The following GFRA2 variants were observed in gnomAD, a reference collection of about 807,000 sequenced individuals.
The protein encoded by GFRA2 is GDNF family receptor alpha-2.
In GFRA2, 17 loss-of-function variants were observed where a neutral mutation model predicts 48.3. The ratio of observed to expected loss-of-function variants is 0.35; its 90% CI spans 0.24 to 0.53. The LOEUF (loss-of-function observed/expected upper bound fraction) is 0.53. GFRA2 is among the 20% of genes least tolerant of loss of function. GFRA2 has a pLI of 0.93. For missense variants in GFRA2, 660 were observed against 637.3 expected, an observed-to-expected ratio of 1.04 and a Z score of -0.38; for synonymous variants, 305 against 257.2, an observed-to-expected ratio of 1.19 and a Z score of -1.78.
At position 21,705,144 on chromosome 8, in the gene GFRA2, G is replaced by C. The variant is rs371378233; in HGVS notation, c.905-19C>G. On this transcript the variant is annotated intron_variant, in intron 5 of 8. Transcript: ENST00000524240. The stretch of plus-strand genomic sequence containing the variant: ...TCAAACCCTGGGCAGGAAGAAAGGT[G>C]GGGGAGAGGAGAGAGGTACGGTGGG... 5 of 1,602,160 alleles carry C rather than the reference G, an allele frequency of 3.1e-6. No individual in the cohort carries two copies. The highest frequency in any genetic ancestry group is 1.1e-5 in the South Asian group (1 of 88,608).
At chr8:21,733,170 G>C (rs1444463524) in intron 4 of GFRA2, among the ~76,000 whole-genome samples, 1 of 152,128 alleles carries the variant, frequency 6.6e-6, no homozygotes, top group Non-Finnish European at 1.5e-5. Context: ...TGTATATCAG[G>C]AGATGCCACC....
intron 3 of GFRA2, among the ~76,000 whole-genome samples, chr8:21,752,830 G>A (rs73669545): frequency 0.067 from 10,205 of 151,998 alleles, 445 homozygotes; most frequent in Non-Finnish European, 0.086. Flanking sequence ...AACTCTCGGC[G>A]CTTCTTTGAC....
intron 4 of GFRA2, among the ~76,000 whole-genome samples, chr8:21,723,723 G>C (rs1472705329): frequency 6.6e-6 from 1 of 152,180 alleles, no homozygotes; most frequent in African/African-American, 2.4e-5. Flanking sequence ...GCAAGAGGGA[G>C]GTCGCCAAGA....
At chr8:21,797,267 C>G (rs1015781203) in intron 2 of GFRA2, among the ~76,000 whole-genome samples, 1 of 99,864 alleles carries the variant, frequency 1.0e-5, no homozygotes, top group Non-Finnish European at 2.2e-5. Flanking sequence ...GCCTTTCTTT[C>G]TTTTTTTTTC....
At chr8:21,790,554 C>T (rs928586752), upstream of GFRA2, among the ~76,000 whole-genome samples, 1 of 152,222 alleles carries the variant, frequency 6.6e-6, no homozygotes, top group South Asian at 2.1e-4. Context: ...TGCTCCCGGC[C>T]TTGGAAGCAC....
At chr8:21,722,502 C>A (rs1168522106) in intron 4 of GFRA2, among the ~76,000 whole-genome samples, 1 of 152,158 alleles carries the variant, frequency 6.6e-6, no homozygotes, top group Non-Finnish European at 1.5e-5. Context: ...AAAATAGAAT[C>A]TATGAACTGT....
intron 4 of GFRA2, among the ~76,000 whole-genome samples, chr8:21,742,966 A>T (rs1804826285): frequency 6.6e-6 from 1 of 152,186 alleles, no homozygotes; most frequent in Non-Finnish European, 1.5e-5. Flanking sequence ...GTGAAGCATG[A>T]ATCCTATCTT....
chr8:21,791,506 C>G (rs1432730903), upstream of GFRA2, among the ~76,000 whole-genome samples: 1 of 152,128 alleles, frequency 6.6e-6, no homozygotes, highest in African/African-American at 2.4e-5. Context: ...TTAAAAATGG[C>G]ATCATCCCTT....
chr8:21,717,557 A>G (rs1263596209), intron 4 of GFRA2, among the ~76,000 whole-genome samples: 1 of 152,232 alleles, frequency 6.6e-6, no homozygotes, highest in Non-Finnish European at 1.5e-5. Context: ...TTTAACTTTA[A>G]TTGAACTAGG....
chr8:21,741,415 T>A (rs1804738500), intron 4 of GFRA2, among the ~76,000 whole-genome samples: 1 of 152,054 alleles, frequency 6.6e-6, no homozygotes, highest in Non-Finnish European at 1.5e-5. Flanking sequence ...CCAAGCAGAT[T>A]CCCCCTCTCT....
chr8:21,747,138 T>C (rs193299935), intron 4 of GFRA2, among the ~76,000 whole-genome samples: 150 of 152,302 alleles, frequency 9.8e-4, no homozygotes, highest in African/African-American at 3.5e-3. Context: ...TTCCAGCCCC[T>C]TCAAGGCCCA....
chr8:21,779,821 TC>T (rs1213693022), intron 2 of GFRA2: 10 of 152,008 alleles, frequency 6.6e-5, no homozygotes, highest in Non-Finnish European at 1.5e-4. Flanking sequence ...TGGTCAGGGA[TC>T]CCCCTCTATC....
intron 1 of GFRA2, among the ~76,000 whole-genome samples, chr8:21,809,668 C>G (rs574024129): frequency 3.9e-5 from 6 of 152,188 alleles, no homozygotes; most frequent in African/African-American, 1.2e-4. Context: ...GCCTGTACCC[C>G]CCAGTTCCCT....
Position 21,690,639 on chromosome 8 carries a change from C to T in GFRA2, c.*2639G>A, listed in dbSNP as rs1006973825. On this transcript the variant is annotated 3_prime_UTR_variant, in exon 9 of 9. Transcript: ENST00000524240. The stretch of plus-strand genomic sequence containing the variant: ...TCTCCCCCATGATGTAGCCTAAGGG[C>T]TTACCTCCTATTAGGGATACCAGAC... The T allele has an allele frequency of 2.6e-5, 4 of 152,188 alleles. No individual in the cohort carries two copies. The highest frequency in any genetic ancestry group is 4.4e-5 in the Non-Finnish European group (3 of 68,050). The allele number at this position is 152,188 out of a possible 1,614,324, so 9.4% of individuals were successfully genotyped here.
At chr8:21,726,009 T>C (rs1480666358) in intron 4 of GFRA2, among the ~76,000 whole-genome samples, 5 of 152,190 alleles carry the variant, frequency 3.3e-5, no homozygotes, top group Non-Finnish European at 7.4e-5. Flanking sequence ...TGGGTTTTGC[T>C]GCCAAGAGGA....
chr8:21,730,622 T>C (rs1447331277), intron 4 of GFRA2, among the ~76,000 whole-genome samples: 1 of 152,074 alleles, frequency 6.6e-6, no homozygotes, highest in Non-Finnish European at 1.5e-5. Flanking sequence ...TCGCCCTCTG[T>C]ATCTCTCACA....
Position 21,782,718 on chromosome 8 carries a change from G to T in GFRA2, c.222C>A (p.Ala74=), listed in dbSNP as rs1807071418. 2 of 1,597,072 alleles carry T rather than the reference G, an allele frequency of 1.3e-6. No individual in the cohort carries two copies. The highest frequency in any genetic ancestry group is 3.5e-5 in the Admixed American group (2 of 57,716). The change falls in exon 2 of 9, where the codon GCC becomes GCA. Residue 74 remains alanine (A), a synonymous_variant. Transcript: ENST00000524240. The stretch of plus-strand genomic sequence containing the variant: ...CCAAGGCCGCCTGGCACTCCTTGTT[G>T]GCCAGCATGGTGTTGCGGTCGCGGC... ...LAGRDRNTML[A]NKECQAALEV...
At chr8:21,742,146 T>G (rs1282547490) in intron 4 of GFRA2, among the ~76,000 whole-genome samples, 1 of 152,130 alleles carries the variant, frequency 6.6e-6, no homozygotes, top group Admixed American at 6.6e-5. Flanking sequence ...GAAGTCTAGA[T>G]GTTATGAATG....
intron 4 of GFRA2, among the ~76,000 whole-genome samples, chr8:21,712,079 T>C (rs1803068998): frequency 1.3e-5 from 2 of 152,240 alleles, no homozygotes; most frequent in African/African-American, 4.8e-5. Flanking sequence ...CCATGTCTAC[T>C]TCTTTCTACA....
Sources: gnomAD v4.1 joint callset for allele counts (sites outside exome capture counted in the v4.1 genomes callset) on GRCh38, gnomAD v4.1.1 for gene constraint, MANE v1.5 for transcripts, NCBI Gene and HGNC (gene_info 2026-07-23, HGNC 2026-07-21) for gene names.